The following HIBADH variants were observed in gnomAD, a reference collection of about 807,000 sequenced individuals.
HIBADH encodes the protein 3-hydroxyisobutyrate dehydrogenase, also known as 3-hydroxyisobutyrate dehydrogenase, mitochondrial.
HIBADH carries 25 observed loss-of-function variants against 36.1 expected under a neutral mutation model. That is an observed-to-expected ratio of 0.69 (90% CI 0.50 to 0.97). The LOEUF is 0.97. Ranked by LOEUF, HIBADH falls within the 50% of genes least tolerant of loss-of-function variation. The pLI is 0.00. For missense variants in HIBADH, 421 were observed against 418.0 expected, an observed-to-expected ratio of 1.01 and a Z score of -0.06; for synonymous variants, 160 against 149.5, an observed-to-expected ratio of 1.07 and a Z score of -0.51.
intron 4 of HIBADH, among the ~76,000 whole-genome samples, chr7:27,612,954 A>G (rs1306119620): frequency 2.9e-5 from 4 of 139,462 alleles, no homozygotes; most frequent in African/African-American, 7.9e-5. Context: ...AAAAATATAT[A>G]TATATTATTT....
intron 4 of HIBADH, among the ~76,000 whole-genome samples, chr7:27,565,170 T>C (rs1189121752): frequency 2.0e-5 from 3 of 152,128 alleles, no homozygotes; most frequent in South Asian, 4.1e-4. Context: ...CACTTAGAGA[T>C]AGCCCCTACA....
chr7:27,538,064 A>G (rs1300527481), intron 6 of HIBADH, among the ~76,000 whole-genome samples: 1 of 152,234 alleles, frequency 6.6e-6, no homozygotes, highest in Admixed American at 6.5e-5. Context: ...AATAGAAGAA[A>G]TGGGGGTCCC....
chr7:27,641,303 C>G (rs1438191733), intron 2 of HIBADH, among the ~76,000 whole-genome samples: 1 of 152,208 alleles, frequency 6.6e-6, no homozygotes, highest in Non-Finnish European at 1.5e-5. Context: ...AATCAACTAA[C>G]CAGCATTTCT....
intron 2 of HIBADH, among the ~76,000 whole-genome samples, chr7:27,642,176 T>C (rs1417927537): frequency 6.6e-6 from 1 of 152,168 alleles, no homozygotes; most frequent in Non-Finnish European, 1.5e-5. Context: ...ACTGAGTCTG[T>C]GTCCTGGAAC....
intron 4 of HIBADH, among the ~76,000 whole-genome samples, chr7:27,584,619 CA>C (rs1784832626): frequency 6.6e-6 from 1 of 152,026 alleles, no homozygotes; most frequent in Non-Finnish European, 1.5e-5. Context: ...GCTGGCAACT[CA>C]AACAATCACC....
intron 4 of HIBADH, among the ~76,000 whole-genome samples, chr7:27,559,938 A>G (rs1328595711): frequency 4.6e-5 from 7 of 152,292 alleles, no homozygotes; most frequent in East Asian, 1.9e-4. Context: ...TAAATTTCTA[A>G]AGATTTTGCC....
intron 2 of HIBADH, among the ~76,000 whole-genome samples, chr7:27,637,638 G>C (rs1785863936): frequency 6.6e-6 from 1 of 152,154 alleles, no homozygotes; most frequent in South Asian, 2.1e-4. Flanking sequence ...AATATGAAGA[G>C]AGGAAGTCAA....
intron 4 of HIBADH, among the ~76,000 whole-genome samples, chr7:27,608,745 A>G (rs907198931): frequency 2.0e-5 from 3 of 152,244 alleles, no homozygotes; most frequent in Non-Finnish European, 4.4e-5. Flanking sequence ...ATAGCTTCAG[A>G]TTTATTTGCT....
At chr7:27,629,561 A>G (rs1045837249) in intron 3 of HIBADH, 69 bp from the exon 4 acceptor site, 44 of 1,120,728 alleles carry the variant, frequency 3.9e-5, no homozygotes, top group Non-Finnish European at 1.7e-5. Flanking sequence ...CTACCTACAG[A>G]ATTAGAATCT....
Position 27,526,000 on chromosome 7 carries a change from A to G in HIBADH, c.*214T>C. 1 of 348,776 alleles carries G rather than the reference A, an allele frequency of 2.9e-6. No individual in the cohort carries two copies. The highest frequency in any genetic ancestry group is 7.9e-5 in the South Asian group (1 of 12,684). The allele number at this position is 348,776 out of a possible 1,614,324, so 21.6% of individuals were successfully genotyped here. ...AGGTCAATTAAGCTAGTTAGCAGAG[A>G]CTATCAGTGGCTTGCAGAAAAAAAA... On this transcript the variant is annotated 3_prime_UTR_variant, in exon 8 of 8. Coordinates refer to ENST00000265395, the MANE Select transcript of HIBADH (RefSeq NM_152740.4).
chr7:27,545,654 C>A (rs1784227152), intron 4 of HIBADH, among the ~76,000 whole-genome samples: 1 of 152,128 alleles, frequency 6.6e-6, no homozygotes, highest in Admixed American at 6.6e-5. Flanking sequence ...TAGAAAAACA[C>A]ACAATGCATA....
intron 5 of HIBADH, 75 bp from the exon 6 acceptor site, chr7:27,538,492 A>G (rs1784099586): frequency 4.2e-6 from 5 of 1,182,194 alleles, no homozygotes; most frequent in South Asian, 1.2e-5. Flanking sequence ...TCCTTGCCCA[A>G]TTCCAGGGGC....
intron 4 of HIBADH, among the ~76,000 whole-genome samples, chr7:27,550,551 T>C (rs2128185385): frequency 6.6e-6 from 1 of 152,332 alleles, no homozygotes; most frequent in East Asian, 1.9e-4. Context: ...TCTTGGGCTG[T>C]TCCCTCACAT....
At position 27,625,735 on chromosome 7, in the gene HIBADH, C is replaced by T. The variant is rs77721915; in HGVS notation, c.484+3636G>A. Reference sequence around the variant, plus strand: ...TGGGGAAAAAAACTTACTCCCTGCACTAAAAAAGCTTAAACTCAAGAGGAA... The same window carrying T: ...TGGGGAAAAAAACTTACTCCCTGCATTAAAAAAGCTTAAACTCAAGAGGAA... On this transcript the variant is annotated intron_variant, in intron 4 of 7. Transcript: ENST00000265395. Among the ~76,000 whole-genome samples the T allele has an allele frequency of 8.9e-3, 1,360 of 152,102 alleles. 19 individuals carry two copies. Among genetic ancestry groups the T allele is most frequent in the African/African-American group, 0.031 (1,291 of 41,494 alleles).
At chr7:27,553,972 C>T (rs1784356484) in intron 4 of HIBADH, among the ~76,000 whole-genome samples, 1 of 152,102 alleles carries the variant, frequency 6.6e-6, no homozygotes, top group African/African-American at 2.4e-5. Flanking sequence ...CCTCAGCCTC[C>T]CAAGTAGCTG....
rs558231907 is a variant in HIBADH at position 27,577,139 on chromosome 7, T to G, written c.485-34039A>C. Among the ~76,000 whole-genome samples the G allele has an allele frequency of 2.0e-5, 3 of 151,684 alleles. No homozygotes were observed. In the East Asian group the frequency reaches 5.9e-4, roughly 30 times the overall value. On this transcript the variant is annotated intron_variant, in intron 4 of 7. Transcript: ENST00000265395. ...GAAGAAATTACTTCTACAGCACATT[T>G]GTGAACTTTCCAAGCATCATTTCTC... is the stretch of plus-strand genomic sequence containing the variant.
intron 2 of HIBADH, among the ~76,000 whole-genome samples, chr7:27,641,485 A>G (rs922372538): frequency 2.6e-5 from 4 of 152,192 alleles, no homozygotes; most frequent in African/African-American, 9.6e-5. Context: ...CCTTCAGGGC[A>G]CTATTGTGGC....
At chr7:27,618,016 G>A (rs559334769) in intron 4 of HIBADH, among the ~76,000 whole-genome samples, 2 of 152,376 alleles carry the variant, frequency 1.3e-5, no homozygotes, top group East Asian at 3.9e-4. Context: ...TACAGTGTCT[G>A]AGAGCTCCCT....
intron 4 of HIBADH, among the ~76,000 whole-genome samples, chr7:27,629,021 T>TC (rs369646858): frequency 2.1e-4 from 32 of 152,170 alleles, no homozygotes; most frequent in Middle Eastern, 6.8e-3. Context: ...TTTCTTTTTT[T>TC]CCCACTTGTT....
Sources: gnomAD v4.1 joint callset for allele counts (sites outside exome capture counted in the v4.1 genomes callset) on GRCh38, gnomAD v4.1.1 for gene constraint, MANE v1.5 for transcripts, NCBI Gene and HGNC (gene_info 2026-07-23, HGNC 2026-07-21) for gene names.